SLC35F3: variants seen among roughly 807,000 people sequenced by gnomAD.
SLC35F3 encodes solute carrier family 35 member F3.
Under a neutral mutation model 49.9 loss-of-function variants are expected in SLC35F3, and 25 were observed. That is an observed-to-expected ratio of 0.50 (90% CI 0.37 to 0.70). The LOEUF is 0.70. Among genes scored for constraint, SLC35F3 ranks in the 30% least tolerant of loss-of-function variants. The pLI is 0.00. For missense variants in SLC35F3, 525 were observed against 639.8 expected, an observed-to-expected ratio of 0.82 and a Z score of 1.94; for synonymous variants, 275 against 265.4, an observed-to-expected ratio of 1.04 and a Z score of -0.35.
chr1:233,912,296 G>A (rs1216328062), intron 2 of SLC35F3, among the ~76,000 whole-genome samples: 1 of 152,102 alleles, frequency 6.6e-6, no homozygotes, highest in Non-Finnish European at 1.5e-5. Flanking sequence ...TGGCCAAGAT[G>A]GTGAAACCCC....
chr1:234,060,611 T>G (rs945856311), intron 2 of SLC35F3, among the ~76,000 whole-genome samples: 2 of 152,128 alleles, frequency 1.3e-5, no homozygotes, highest in African/African-American at 4.8e-5. Context: ...CATGCCTGGC[T>G]AATTTTTTAT....
Position 234,323,311 on chromosome 1 carries a change from G to C in SLC35F3, c.*68G>C. On this transcript the variant is annotated 3_prime_UTR_variant, in exon 8 of 8. Transcript: ENST00000366618. This position sits in a 1 kb window ranked among gnomAD's most constrained non-coding sequence, Gnocchi z 4.5. ...TTCCTGCCGGGAGGAACCTCAGTTGGGTAAGGTGTACATACCTGTACAGTT... is the reference window on the plus strand; with the variant it reads ...TTCCTGCCGGGAGGAACCTCAGTTGCGTAAGGTGTACATACCTGTACAGTT... 17 of 1,411,630 alleles carry C rather than the reference G, an allele frequency of 1.2e-5. No individual in the cohort carries two copies. The highest frequency in any genetic ancestry group is 1.6e-5 in the Non-Finnish European group (16 of 1,020,278). The allele number at this position is 1,411,630 out of a possible 1,614,324, so 87.4% of individuals were successfully genotyped here.
chr1:234,053,318 G>C (rs1664406334), intron 2 of SLC35F3, among the ~76,000 whole-genome samples: 1 of 152,130 alleles, frequency 6.6e-6, no homozygotes, highest in Admixed American at 6.5e-5. Flanking sequence ...GAATCTGGGT[G>C]CTCCTGTATT....
At chr1:234,297,941 T>C (rs966409796) in intron 3 of SLC35F3, among the ~76,000 whole-genome samples, 8 of 152,100 alleles carry the variant, frequency 5.3e-5, no homozygotes, top group Admixed American at 2.6e-4. Context: ...CTTAAATACG[T>C]GCTAACAGGG....
intron 2 of SLC35F3, among the ~76,000 whole-genome samples, chr1:234,210,872 C>T (rs1292491757): frequency 6.6e-6 from 1 of 152,208 alleles, no homozygotes; most frequent in Non-Finnish European, 1.5e-5. Flanking sequence ...ATCACCAAGA[C>T]AATGGGGAAA....
chr1:234,074,903 A>G (rs1161583482), intron 2 of SLC35F3, among the ~76,000 whole-genome samples: 3 of 152,126 alleles, frequency 2.0e-5, no homozygotes, highest in East Asian at 1.9e-4. Flanking sequence ...TCTGGGGAGG[A>G]GCTGAGACTG....
At chr1:234,130,964 G>A (rs1665727171) in intron 2 of SLC35F3, among the ~76,000 whole-genome samples, 1 of 149,266 alleles carries the variant, frequency 6.7e-6, no homozygotes, top group South Asian at 2.2e-4. Flanking sequence ...TCAGACACAG[G>A]AATACTATAC....
intron 2 of SLC35F3, among the ~76,000 whole-genome samples, chr1:233,944,223 AC>A (rs1260102238): frequency 3.3e-5 from 5 of 152,334 alleles, no homozygotes; most frequent in South Asian, 4.1e-4. Context: ...ACACAAAAAA[AC>A]ATCCAGTAGA....
intron 2 of SLC35F3, among the ~76,000 whole-genome samples, chr1:234,138,898 A>G (rs1665847470): frequency 6.6e-6 from 1 of 152,034 alleles, no homozygotes; most frequent in Non-Finnish European, 1.5e-5. Flanking sequence ...AAGAGCCTTG[A>G]CTCAAGCCAA....
At chr1:234,029,101 G>T (rs1470536710) in intron 2 of SLC35F3, among the ~76,000 whole-genome samples, 1 of 152,052 alleles carries the variant, frequency 6.6e-6, no homozygotes, top group Non-Finnish European at 1.5e-5. Flanking sequence ...GAAAAACATC[G>T]GTCATTTTCT....
chr1:234,236,471 A>G (rs1667471154), intron 3 of SLC35F3, among the ~76,000 whole-genome samples: 2 of 152,042 alleles, frequency 1.3e-5, no homozygotes, highest in African/African-American at 4.8e-5. Flanking sequence ...GCCAGAAACA[A>G]TTTATTTAAG....
chr1:233,993,804 C>T (rs1415874433), intron 2 of SLC35F3, among the ~76,000 whole-genome samples: 1 of 152,192 alleles, frequency 6.6e-6, no homozygotes, highest in Non-Finnish European at 1.5e-5. Context: ...CTGTTCTCAG[C>T]TCAGCTAATA....
At chr1:234,197,199 A>G (rs1666826765) in intron 2 of SLC35F3, among the ~76,000 whole-genome samples, 1 of 152,214 alleles carries the variant, frequency 6.6e-6, no homozygotes, top group Non-Finnish European at 1.5e-5. Flanking sequence ...TATCAAAGTT[A>G]GGCTCCTACC....
chr1:234,169,854 G>A (rs1344171883), intron 2 of SLC35F3, among the ~76,000 whole-genome samples: 3 of 152,058 alleles, frequency 2.0e-5, no homozygotes, highest in Non-Finnish European at 2.9e-5. Flanking sequence ...TGCAAGCTCC[G>A]CCTCCCGGGT....
At chr1:233,932,859 G>C (rs1662267376) in intron 2 of SLC35F3, among the ~76,000 whole-genome samples, 1 of 152,032 alleles carries the variant, frequency 6.6e-6, no homozygotes, top group African/African-American at 2.4e-5. Context: ...AATCCCATTT[G>C]TTTTGGATAT....
At chr1:234,193,153 A>G (rs1037496977) in intron 2 of SLC35F3, among the ~76,000 whole-genome samples, 2 of 152,216 alleles carry the variant, frequency 1.3e-5, no homozygotes, top group Admixed American at 6.5e-5. Context: ...CTAAGCAAAA[A>G]GAGCAAATCT....
intron 2 of SLC35F3, among the ~76,000 whole-genome samples, chr1:234,226,960 T>C (rs12043975): frequency 0.22 from 27,078 of 120,718 alleles, 3,968 homozygotes; most frequent in East Asian, 0.8. Context: ...CGCGCACGCG[T>C]GCACACACAC....
At chr1:234,272,783 G>C (rs1484313060) in intron 3 of SLC35F3, among the ~76,000 whole-genome samples, 2 of 152,078 alleles carry the variant, frequency 1.3e-5, no homozygotes, top group Non-Finnish European at 2.9e-5. Context: ...GTGCTGCCTG[G>C]TTCCACATGT....
At chr1:234,123,241 G>A (rs1665602160) in intron 2 of SLC35F3, among the ~76,000 whole-genome samples, 1 of 152,038 alleles carries the variant, frequency 6.6e-6, no homozygotes, top group African/African-American at 2.4e-5. Context: ...TTTTTTTCAT[G>A]TTTGTTGGCC....
Sources: gnomAD v4.1 joint callset for allele counts (sites outside exome capture counted in the v4.1 genomes callset) on GRCh38, gnomAD v4.1.1 for gene constraint, Gnocchi (gnomAD v3.1) non-coding constraint, MANE v1.5 for transcripts, NCBI Gene and HGNC (gene_info 2026-07-23, HGNC 2026-07-21) for gene names.